Variants in SGMS1 observed in about 807,000 individuals in gnomAD.
SGMS1 encodes the protein phosphatidylcholine:ceramide cholinephosphotransferase 1.
SGMS1 carries 13 observed loss-of-function variants against 46.2 expected under a neutral mutation model. That is an observed-to-expected ratio of 0.28 (90% CI 0.18 to 0.45). SGMS1 has a LOEUF of 0.45. SGMS1 is among the 20% of genes least tolerant of loss of function. The probability of loss-of-function intolerance (pLI) is 1.00; values close to 1 mark genes in which losing one functional copy is unlikely to be tolerated. For synonymous variants in SGMS1, 203 were observed against 187.8 expected, an observed-to-expected ratio of 1.08 and a Z score of -0.66; for missense variants, 324 against 519.9, an observed-to-expected ratio of 0.62 and a Z score of 3.66.
intron 7 of SGMS1, among the ~76,000 whole-genome samples, chr10:50,337,952 T>C (rs551486049): frequency 1.8e-4 from 27 of 151,284 alleles, no homozygotes; most frequent in African/African-American, 6.3e-4. Flanking sequence ...TAAAAATCCA[T>C]CCTAGTTCTC....
chr10:50,334,918 C>G (rs1035854036), intron 7 of SGMS1: 4 of 152,236 alleles, frequency 2.6e-5, no homozygotes, highest in African/African-American at 9.7e-5. Context: ...GAAGGTCTAC[C>G]TCTGTATGAT....
intron 6 of SGMS1, among the ~76,000 whole-genome samples, chr10:50,393,924 T>A (rs1215550433): frequency 6.6e-6 from 1 of 152,176 alleles, no homozygotes; most frequent in Non-Finnish European, 1.5e-5. Context: ...CTGTGCTCAG[T>A]TTATCTTCCT....
rs764427909 is a variant in SGMS1, at chr10:50,307,163, G to A, written c.1221C>T (p.Ser407=). The change falls in exon 11 of 11, where the codon AGC becomes AGT. Residue 407 remains serine, a synonymous_variant. Coordinates refer to ENST00000361781, the MANE Select transcript of SGMS1 (RefSeq NM_147156.4). The surrounding 1 kb of genome is among the most constrained non-coding windows in gnomAD (Gnocchi z 4.2). ...VVHLSRQVKY[S]RLVNDT ...GCTGTTATGTGTCATTCACCAGCCG[G>A]CTGTATTTAACTTGCCTACTGAGGT... 8.1e-6 allele frequency: 13 copies of A among 1,613,764 alleles called. No individual in the cohort carries two copies. Among genetic ancestry groups the A allele is most frequent in the Non-Finnish European group, 3.4e-6 (4 of 1,179,924 alleles).
chr10:50,408,828 T>C (rs1015221296), intron 6 of SGMS1, among the ~76,000 whole-genome samples: 1 of 152,092 alleles, frequency 6.6e-6, no homozygotes, highest in Admixed American at 6.5e-5. Flanking sequence ...TAAGCCATGA[T>C]TGTACCATCG....
At chr10:50,463,739 G>C (rs1837295512) in intron 4 of SGMS1, among the ~76,000 whole-genome samples, 1 of 152,110 alleles carries the variant, frequency 6.6e-6, no homozygotes, top group Non-Finnish European at 1.5e-5. Flanking sequence ...GTTCACTTAA[G>C]CACTACTCAC....
intron 2 of SGMS1, among the ~76,000 whole-genome samples, chr10:50,581,715 C>T (rs1289153113): frequency 6.6e-6 from 1 of 152,184 alleles, no homozygotes; most frequent in Non-Finnish European, 1.5e-5. Context: ...AATCCCTTTA[C>T]TCTCTGAATA....
chr10:50,413,251 T>C (rs952263815), intron 6 of SGMS1, among the ~76,000 whole-genome samples: 4 of 152,196 alleles, frequency 2.6e-5, no homozygotes, highest in African/African-American at 4.8e-5. Flanking sequence ...CAAGTTAAAC[T>C]GGCAGGGCTG....
At chr10:50,376,402 T>C (rs1916566) in intron 6 of SGMS1, among the ~76,000 whole-genome samples, 106,733 of 152,056 alleles carry the variant, frequency 0.7, 37,647 homozygotes, top group Middle Eastern at 0.81. Flanking sequence ...AACTGATTCT[T>C]TAAAGAGATT....
intron 6 of SGMS1, among the ~76,000 whole-genome samples, chr10:50,348,098 G>C (rs1564883655): frequency 6.6e-6 from 1 of 152,054 alleles, no homozygotes; most frequent in Non-Finnish European, 1.5e-5. Flanking sequence ...ATTTATGAGT[G>C]AGAACATGTG....
At chr10:50,548,880 G>A (rs908317109) in intron 2 of SGMS1, among the ~76,000 whole-genome samples, 1 of 152,064 alleles carries the variant, frequency 6.6e-6, no homozygotes, top group Non-Finnish European at 1.5e-5. Flanking sequence ...ATTAAAAAGT[G>A]GGTAAAGGAC....
Position 50,406,949 on chromosome 10 carries a change from C to T in SGMS1, c.-232+26527G>A, listed in dbSNP as rs531378091. ...CAGGCAGGTCCTGCGCTCCTGGCCTCAAGTAATCTTCCTGCCTTGGCCTCC... is the reference window on the plus strand; with the variant it reads ...CAGGCAGGTCCTGCGCTCCTGGCCTTAAGTAATCTTCCTGCCTTGGCCTCC... On this transcript the variant is annotated intron_variant, in intron 6 of 10. Coordinates refer to ENST00000361781, the MANE Select transcript of SGMS1 (RefSeq NM_147156.4). Among the ~76,000 whole-genome samples, 13 of 152,274 alleles carry T rather than the reference C, an allele frequency of 8.5e-5. No individual in the cohort carries two copies. The South Asian group carries it at 2.7e-3, about 32-fold the overall frequency.
intron 2 of SGMS1, among the ~76,000 whole-genome samples, chr10:50,538,457 CAAAAA>C (rs61633959): frequency 1.2e-5 from 1 of 85,694 alleles, no homozygotes. Flanking sequence ...GACTCCATCT[CAAAAA>C]AAAAAAAAAA....
chr10:50,580,425 C>CCA lies in SGMS1; in HGVS notation c.-589+9727_-589+9728insTG, dbSNP rs1002297456. ...AACATTTACCACAGCAAGTTAGGGA[C>CCA]CCCCCCCCAAACCCCTCAACCCTCA... On this transcript the variant is annotated intron_variant, in intron 2 of 10. Transcript: ENST00000361781. Among the ~76,000 whole-genome samples, 41 of 65,564 alleles carry CCA rather than the reference C, an allele frequency of 6.3e-4. No homozygotes were observed. The South Asian group carries it at 0.019, about 30-fold the overall frequency. 43.0% of individuals were successfully genotyped at this position (65,564 alleles called of 152,430 possible).
chr10:50,393,492 C>G (rs1848805212), intron 6 of SGMS1, among the ~76,000 whole-genome samples: 1 of 152,146 alleles, frequency 6.6e-6, no homozygotes, highest in South Asian at 2.1e-4. Context: ...ATTTTCTCAA[C>G]CTCTCCTTAT....
chr10:50,438,140 T>G (rs906102363), intron 5 of SGMS1, among the ~76,000 whole-genome samples: 11 of 152,338 alleles, frequency 7.2e-5, no homozygotes, highest in African/African-American at 2.4e-4. Flanking sequence ...TTGGCCAGTC[T>G]CAGATGTGTC....
At chr10:50,425,887 T>C (rs1441901529) in intron 6 of SGMS1, among the ~76,000 whole-genome samples, 1 of 152,170 alleles carries the variant, frequency 6.6e-6, no homozygotes, top group African/African-American at 2.4e-5. Flanking sequence ...CCTGTGGCAA[T>C]GTGTATGAAA....
At position 50,619,030 on chromosome 10, in the gene SGMS1, G is replaced by A. The variant is rs563099380; in HGVS notation, c.-684+4677C>T. On this transcript the variant is annotated intron_variant, in intron 1 of 10. Transcript: ENST00000361781. ...TGCACACAGACCCAGCTACTCAGGA[G>A]GCTGAGGTAGGAGAGTCTCTTGAGC... is the stretch of plus-strand genomic sequence containing the variant. Among the ~76,000 whole-genome samples, 6 of 152,292 alleles carry A rather than the reference G, an allele frequency of 3.9e-5. No homozygotes were observed. In the South Asian group the frequency reaches 1.2e-3, roughly 32 times the overall value.
chr10:50,385,826 C>T (rs1232034206), intron 6 of SGMS1, among the ~76,000 whole-genome samples: 2 of 152,146 alleles, frequency 1.3e-5, no homozygotes, highest in African/African-American at 4.8e-5. Flanking sequence ...CTTGAGAACA[C>T]AAAAGGCATT....
At chr10:50,594,978 C>T (rs1198717436) in intron 1 of SGMS1, among the ~76,000 whole-genome samples, 2 of 152,176 alleles carry the variant, frequency 1.3e-5, no homozygotes. Flanking sequence ...TATGCAGTCA[C>T]ACAGCTGATA....
Sources: gnomAD v4.1 joint callset for allele counts (sites outside exome capture counted in the v4.1 genomes callset) on GRCh38, gnomAD v4.1.1 for gene constraint, Gnocchi (gnomAD v3.1) non-coding constraint, MANE v1.5 for transcripts, NCBI Gene and HGNC (gene_info 2026-07-23, HGNC 2026-07-21) for gene names.